Variants in AGBL1 observed in about 807,000 individuals in gnomAD.
AGBL1 encodes the protein AGBL carboxypeptidase 1.
A neutral mutation model predicts 118.9 loss-of-function variants in AGBL1; 130 were observed. That is an observed-to-expected ratio of 1.09 (90% confidence interval 0.95 to 1.26). The LOEUF is 1.26. AGBL1 is among the 50% of genes most tolerant of loss of function. AGBL1 has a pLI of 0.00. For synonymous variants in AGBL1, 555 were observed against 478.9 expected, an observed-to-expected ratio of 1.16 and a Z score of -2.08; for missense variants, 1,584 against 1,298.1, an observed-to-expected ratio of 1.22 and a Z score of -3.38.
intron 22 of AGBL1, among the ~76,000 whole-genome samples, chr15:86,802,035 G>T (rs2078657147): frequency 6.6e-6 from 1 of 152,030 alleles, no homozygotes; most frequent in Non-Finnish European, 1.5e-5. Context: ...CTAGATGGTG[G>T]GAATAAATCT....
intron 18 of AGBL1, among the ~76,000 whole-genome samples, chr15:86,498,688 G>A (rs2082882840): frequency 6.6e-6 from 1 of 151,886 alleles, no homozygotes; most frequent in East Asian, 1.9e-4. Context: ...TGCAATTTTG[G>A]AGAATAGCAA....
At chr15:86,390,536 TGTG>T (rs1266519454) in intron 17 of AGBL1, among the ~76,000 whole-genome samples, 3 of 152,168 alleles carry the variant, frequency 2.0e-5, no homozygotes, top group Non-Finnish European at 4.4e-5. Context: ...TTCATTGCTA[TGTG>T]GTACCTTGGA....
chr15:86,526,123 T>A (rs995389723), intron 19 of AGBL1, among the ~76,000 whole-genome samples: 3 of 152,102 alleles, frequency 2.0e-5, no homozygotes, highest in African/African-American at 7.2e-5. Context: ...ATGCTCAACG[T>A]CACTAATTAT....
At chr15:86,569,368 C>G (rs1396933032) in intron 21 of AGBL1, among the ~76,000 whole-genome samples, 1 of 151,308 alleles carries the variant, frequency 6.6e-6, no homozygotes, top group Non-Finnish European at 1.5e-5. Context: ...CACTGCACTC[C>G]CAGGCAACAG....
chr15:86,919,222 G>A (rs1033444382), downstream of AGBL1, among the ~76,000 whole-genome samples: 16 of 152,032 alleles, frequency 1.1e-4, no homozygotes, highest in African/African-American at 3.9e-4. Flanking sequence ...ATAAGTGAGT[G>A]GCCCCTTCAA....
At chr15:86,293,804 A>G (rs980379819) in intron 16 of AGBL1, among the ~76,000 whole-genome samples, 1 of 152,096 alleles carries the variant, frequency 6.6e-6, no homozygotes, top group Admixed American at 6.6e-5. Flanking sequence ...TAAAAAATTC[A>G]TGAGTTTTTT....
chr15:86,441,491 A>G (rs1437594108), intron 18 of AGBL1, among the ~76,000 whole-genome samples: 1 of 152,188 alleles, frequency 6.6e-6, no homozygotes, highest in Non-Finnish European at 1.5e-5. Flanking sequence ...AATGACTTTG[A>G]GAACCATCGA....
At chr15:86,303,631 A>G (rs993409513) in intron 17 of AGBL1, among the ~76,000 whole-genome samples, 23 of 152,174 alleles carry the variant, frequency 1.5e-4, no homozygotes, top group African/African-American at 5.1e-4. Context: ...AATATACTCT[A>G]TTTTAGAGAG....
intron 18 of AGBL1, among the ~76,000 whole-genome samples, chr15:86,466,666 G>C (rs865785119): frequency 6.6e-6 from 1 of 152,230 alleles, no homozygotes. Flanking sequence ...GTGACCTTCA[G>C]ATGGAGTTTT....
chr15:86,380,354 G>A (rs965260985), intron 17 of AGBL1, among the ~76,000 whole-genome samples: 2 of 147,538 alleles, frequency 1.4e-5, no homozygotes, highest in Non-Finnish European at 3.0e-5. Context: ...GTGCAATCTC[G>A]GCTCACTGCA....
chr15:86,746,049 G>A (rs1222345221), intron 22 of AGBL1, among the ~76,000 whole-genome samples: 1 of 152,024 alleles, frequency 6.6e-6, no homozygotes. Flanking sequence ...GGCTTCTTGT[G>A]GTTATGCCTC....
intron 23 of AGBL1, among the ~76,000 whole-genome samples, chr15:86,947,530 T>C (rs1000437538): frequency 6.6e-6 from 1 of 152,224 alleles, no homozygotes; most frequent in African/African-American, 2.4e-5. Context: ...AAAGGATTGC[T>C]GAGCTAATTC....
At chr15:86,192,086 G>C (rs890332644) in intron 5 of AGBL1, among the ~76,000 whole-genome samples, 4 of 151,394 alleles carry the variant, frequency 2.6e-5, no homozygotes, top group African/African-American at 9.7e-5. Context: ...GTGGCAGATG[G>C]AGATCCTGTC....
intron 1 of AGBL1, among the ~76,000 whole-genome samples, chr15:86,129,097 T>C (rs2076786176): frequency 6.6e-6 from 1 of 152,158 alleles, no homozygotes; most frequent in African/African-American, 2.4e-5. Flanking sequence ...CCAAATACTG[T>C]AGTGGGAATA....
At position 86,968,643 on chromosome 15, in the gene AGBL1, A is replaced by G. The variant is rs188892863; in HGVS notation, c.3222-19344A>G. Among the ~76,000 whole-genome samples, 447 of 151,910 alleles carry G rather than the reference A, an allele frequency of 2.9e-3. 1 individual carries two copies. Among genetic ancestry groups the G allele is most frequent in the Middle Eastern group, 6.8e-3 (2 of 294 alleles). ...AAATGAGGGAAAGCAGACTCAATCA[A>G]CTCTTCAGCCACCTCCCTTATCCCA... On this transcript the variant is annotated intron_variant, in intron 23 of 24. Transcript: ENST00000441037.
At chr15:86,626,836 C>CTTTTTT (rs11318598) in intron 21 of AGBL1, among the ~76,000 whole-genome samples, 4 of 117,816 alleles carry the variant, frequency 3.4e-5, no homozygotes, top group Non-Finnish European at 5.2e-5. Context: ...ATATACTTTT[C>CTTTTTT]TTTTTTTTTT....
chr15:86,114,070 T>G (rs2141554050), intron 1 of AGBL1, among the ~76,000 whole-genome samples: 1 of 152,392 alleles, frequency 6.6e-6, no homozygotes, highest in African/African-American at 2.4e-5. Flanking sequence ...AGACTATATT[T>G]GTTAATAACT....
At chr15:86,087,332 C>CTTTTTTTTTTT (rs565797859) in intron 1 of AGBL1, among the ~76,000 whole-genome samples, 1 of 135,520 alleles carries the variant, frequency 7.4e-6, no homozygotes, top group African/African-American at 2.7e-5. Flanking sequence ...ATTTAATGGG[C>CTTTTTTTTTTT]TTTTTTTTTT....
chr15:86,369,667 A>G (rs2080943002), intron 17 of AGBL1, among the ~76,000 whole-genome samples: 1 of 152,174 alleles, frequency 6.6e-6, no homozygotes, highest in African/African-American at 2.4e-5. Context: ...CTCTGCTAAC[A>G]AGAGACATAC....
Sources: allele counts gnomAD v4.1 joint callset (sites outside exome capture counted in the v4.1 genomes callset), GRCh38; gene constraint gnomAD v4.1.1; transcripts MANE v1.5; gene names NCBI Gene and HGNC (gene_info 2026-07-23, HGNC 2026-07-21).